The following SH3RF3 variants were observed in gnomAD, a reference collection of about 807,000 sequenced individuals.
SH3RF3 encodes E3 ubiquitin-protein ligase SH3RF3.
A neutral mutation model predicts 66.3 loss-of-function variants in SH3RF3; 29 were observed. The ratio of observed to expected loss-of-function variants is 0.44; its 90% CI spans 0.33 to 0.60. The LOEUF (loss-of-function observed/expected upper bound fraction) is 0.60. Among genes scored for constraint, SH3RF3 ranks in the 20% least tolerant of loss-of-function variants. The probability of loss-of-function intolerance (pLI) is 0.04; values close to 1 mark genes in which losing one functional copy is unlikely to be tolerated. For missense variants in SH3RF3, 1,194 were observed against 1,190.9 expected (o/e 1.00, Z -0.04); for synonymous variants, 583 against 532.0 (o/e 1.10, Z -1.32).
At chr2:109,340,064 A>G (rs1031003747) in intron 1 of SH3RF3, among the ~76,000 whole-genome samples, 3 of 152,138 alleles carry the variant, frequency 2.0e-5, no homozygotes, top group Admixed American at 2.0e-4. Flanking sequence ...GAGTCCTGTG[A>G]GCAGTAATCG....
chr2:109,487,574 T>G lies in SH3RF3; in HGVS notation c.2149-3031T>G, dbSNP rs140835309. Among the ~76,000 whole-genome samples, 975 of 152,264 alleles carry G rather than the reference T, an allele frequency of 6.4e-3. 7 individuals are homozygous for G. Among genetic ancestry groups the G allele is most frequent in the African/African-American group, 0.018 (734 of 41,538 alleles). On this transcript the variant is annotated intron_variant, in intron 8 of 9. Transcript: ENST00000309415. ...TCCTGGAGAATTGAGACAGGAAAAT[T>G]ATCCATCACATTTACGCACCCCACC...
chr2:109,504,339 G>A lies in SH3RF3; in HGVS notation c.*2668G>A, dbSNP rs1181532276. On this transcript the variant is annotated 3_prime_UTR_variant, in exon 10 of 10. Transcript: ENST00000309415. ...GGCTGAAGTCAGTGGACACCGAGGG[G>A]ACAGGACTGCAGGCCACCAGGGGCC... The A allele has an allele frequency of 6.6e-6, 1 of 152,262 alleles. No individual in the cohort carries two copies. The highest frequency in any genetic ancestry group is 2.4e-5 in the African/African-American group (1 of 41,456). 9.4% of individuals were successfully genotyped at this position (152,262 alleles called of 1,614,324 possible).
At chr2:109,327,370 C>G (rs954210798) in intron 1 of SH3RF3, among the ~76,000 whole-genome samples, 1 of 152,152 alleles carries the variant, frequency 6.6e-6, no homozygotes, top group South Asian at 2.1e-4. Context: ...TCAGTTCCAT[C>G]GGTCTATTTG....
intron 1 of SH3RF3, among the ~76,000 whole-genome samples, chr2:109,173,595 C>T (rs537963755): frequency 3.3e-5 from 5 of 152,170 alleles, no homozygotes; most frequent in Admixed American, 1.3e-4. Context: ...ACACAGACCC[C>T]GCAGCCTGCA....
At chr2:109,382,228 A>G (rs926017796) in intron 3 of SH3RF3, among the ~76,000 whole-genome samples, 9 of 152,134 alleles carry the variant, frequency 5.9e-5, no homozygotes, top group African/African-American at 1.9e-4. Context: ...ATGCCAGCAC[A>G]TAGGTAACTT....
intron 1 of SH3RF3, among the ~76,000 whole-genome samples, chr2:109,317,418 A>G (rs1490200143): frequency 6.6e-6 from 1 of 151,968 alleles, no homozygotes; most frequent in African/African-American, 2.4e-5. Context: ...TAGCGCTCAG[A>G]AGGGACACTG....
intron 5 of SH3RF3, among the ~76,000 whole-genome samples, chr2:109,423,410 T>C (rs935822949): frequency 2.0e-5 from 3 of 151,910 alleles, no homozygotes; most frequent in African/African-American, 4.8e-5. Context: ...GTGCGTGTGG[T>C]CAAAAGGCCA....
intron 7 of SH3RF3, among the ~76,000 whole-genome samples, chr2:109,439,929 C>T (rs906777117): frequency 4.6e-5 from 7 of 152,020 alleles, no homozygotes; most frequent in Non-Finnish European, 1.0e-4. Flanking sequence ...GAATTCATTC[C>T]GACTGGGGAG....
At chr2:109,321,643 C>T (rs548786966) in intron 1 of SH3RF3, among the ~76,000 whole-genome samples, 2 of 152,186 alleles carry the variant, frequency 1.3e-5, no homozygotes, top group Non-Finnish European at 2.9e-5. Flanking sequence ...CTAGATAAAA[C>T]CCTCTTGTGG....
chr2:109,323,673 G>A (rs1312381320), intron 1 of SH3RF3, among the ~76,000 whole-genome samples: 1 of 152,214 alleles, frequency 6.6e-6, no homozygotes, highest in Non-Finnish European at 1.5e-5. Context: ...AGCTCCCTGA[G>A]CCTGTGCCTC....
chr2:109,237,579 A>C (rs1679679027), intron 1 of SH3RF3, among the ~76,000 whole-genome samples: 1 of 152,156 alleles, frequency 6.6e-6, no homozygotes, highest in Admixed American at 6.5e-5. Context: ...AAACTTTCTT[A>C]AAACATTATG....
chr2:109,135,669 G>A (rs975102676), intron 1 of SH3RF3, among the ~76,000 whole-genome samples: 1 of 151,766 alleles, frequency 6.6e-6, no homozygotes, highest in African/African-American at 2.4e-5. Flanking sequence ...GATGTGCATG[G>A]GGGGGTGTGT....
At position 109,388,025 on chromosome 2, in the gene SH3RF3, C is replaced by T. The variant is rs150030290; in HGVS notation, c.946-10565C>T. ...GAGTCGACAGAAGCTTTGTGTCCATCCTGACTCCTGTTCAGCCCTCACAGC... is the reference window on the plus strand; with the variant it reads ...GAGTCGACAGAAGCTTTGTGTCCATTCTGACTCCTGTTCAGCCCTCACAGC... On this transcript the variant is annotated intron_variant, in intron 3 of 9. Transcript: ENST00000309415. Among the ~76,000 whole-genome samples the T allele has an allele frequency of 7.7e-3, 1,180 of 152,282 alleles. 9 individuals are homozygous for T. Among genetic ancestry groups the T allele is most frequent in the Non-Finnish European group, 0.014 (964 of 68,028 alleles).
chr2:109,341,552 G>A (rs111584758), intron 1 of SH3RF3, among the ~76,000 whole-genome samples: 1 of 152,196 alleles, frequency 6.6e-6, no homozygotes, highest in South Asian at 2.1e-4. Flanking sequence ...CAGAATATAA[G>A]CTGAGCTGTG....
At chr2:109,309,282 G>A (rs577191073) in intron 1 of SH3RF3, among the ~76,000 whole-genome samples, 266 of 149,144 alleles carry the variant, frequency 1.8e-3, no homozygotes, top group African/African-American at 6.1e-3. Context: ...TTTGTATCCT[G>A]AGACTTTGCT....
At chr2:109,294,782 C>A (rs1451253809) in intron 1 of SH3RF3, among the ~76,000 whole-genome samples, 1 of 152,074 alleles carries the variant, frequency 6.6e-6, no homozygotes, top group Non-Finnish European at 1.5e-5. Flanking sequence ...GGGAGGATGG[C>A]TCCAAGTGAG....
At chr2:109,243,310 G>A (rs927750042) in intron 1 of SH3RF3, among the ~76,000 whole-genome samples, 4 of 152,236 alleles carry the variant, frequency 2.6e-5, no homozygotes, top group Admixed American at 6.5e-5. Flanking sequence ...TGAGACTCCC[G>A]TGTGCTTTTG....
chr2:109,221,602 A>AG (rs1574512276), intron 1 of SH3RF3, among the ~76,000 whole-genome samples: 1 of 149,564 alleles, frequency 6.7e-6, no homozygotes, highest in Non-Finnish European at 1.5e-5. Flanking sequence ...AAAAAAAAAA[A>AG]GTGTGCATCT....
intron 3 of SH3RF3, among the ~76,000 whole-genome samples, chr2:109,373,501 T>C (rs1226373135): frequency 2.6e-5 from 4 of 152,200 alleles, no homozygotes; most frequent in African/African-American, 9.6e-5. Context: ...AGTAATGGCT[T>C]TAAGGGCATA....
Sources: allele counts gnomAD v4.1 joint callset (sites outside exome capture counted in the v4.1 genomes callset), GRCh38; gene constraint gnomAD v4.1.1; transcripts MANE v1.5; gene names NCBI Gene and HGNC (gene_info 2026-07-23, HGNC 2026-07-21).